ENTPD2: variants seen among roughly 807,000 people sequenced by gnomAD.
ENTPD2 encodes the protein CD39 antigen-like 1.
A neutral mutation model predicts 46.8 loss-of-function variants in ENTPD2; 48 were observed. The ratio of observed to expected loss-of-function variants is 1.03; its 90% CI spans 0.81 to 1.30. ENTPD2 has a LOEUF of 1.30. ENTPD2 is among the 50% of genes most tolerant of loss of function. ENTPD2 has a pLI of 0.00. For missense variants in ENTPD2, 707 were observed against 651.1 expected (o/e 1.09, Z -0.93); for synonymous variants, 316 against 286.1 (o/e 1.10, Z -1.06).
rs775642627 is a variant in ENTPD2 at position 137,051,653 on chromosome 9, G to A, written c.243C>T (p.Gly81=). The A allele has an allele frequency of 2.0e-5, 33 of 1,610,182 alleles. No individual in the cohort carries two copies. The Admixed American group carries it at 5.5e-4, about 27-fold the overall frequency. Residue 81 remains glycine (G), a synonymous_variant, in exon 3 of 9, where the codon GGC becomes GGT. Transcript: ENST00000355097. ...QHSSCDVPGG[G]ISSYADNPSG... ...AAGGGTTGTCTGCATAGCTGGAGATGCCCCCACCTAGAGGGAGGCAGAGAG... is the reference window on the plus strand; with the variant it reads ...AAGGGTTGTCTGCATAGCTGGAGATACCCCCACCTAGAGGGAGGCAGAGAG...
intron 1 of ENTPD2, 37 bp from the exon 2 acceptor site, chr9:137,052,385 C>T (rs369220715): frequency 1.4e-5 from 20 of 1,380,010 alleles, no homozygotes; most frequent in East Asian, 7.4e-5. Context: ...CTGGGGTGTC[C>T]GGGGGCCCTG....
At chr9:137,049,489 C>G (rs1197231030) in intron 7 of ENTPD2, 2 of 445,708 alleles carry the variant, frequency 4.5e-6, no homozygotes, top group African/African-American at 4.1e-5. Flanking sequence ...CCTCGCTCAC[C>G]ACCCCGGTCC....
chr9:137,049,669 G>A (rs1212911290), intron 7 of ENTPD2: 3 of 587,300 alleles, frequency 5.1e-6, no homozygotes, highest in Non-Finnish European at 8.7e-6. Context: ...GGTCGGGCCT[G>A]GCGAAGCTTC....
chr9:137,051,834 C>A (rs1438265473), intron 2 of ENTPD2, among the ~76,000 whole-genome samples, 174 bp from the exon 3 acceptor site: 1 of 152,200 alleles, frequency 6.6e-6, no homozygotes, highest in Non-Finnish European at 1.5e-5. Flanking sequence ...CCAGGTGCCA[C>A]CCGGAGACCA....
chr9:137,051,441 A>C (rs1832294982), intron 3 of ENTPD2, 69 bp downstream of exon 3: 1 of 1,542,768 alleles, frequency 6.5e-7, no homozygotes, highest in African/African-American at 1.4e-5. Flanking sequence ...GGGTGCTCGG[A>C]GTCCGCCCTG....
chr9:137,049,961 T>C lies in ENTPD2; in HGVS notation c.1058A>G (p.Asp353Gly). Residue 353 changes from aspartate to glycine, a missense_variant, in exon 7 of 9, where the codon GAC becomes GGC. Asp to Gly is a moderately conservative substitution (Grantham distance 94). Coordinates refer to ENST00000355097, the MANE Select transcript of ENTPD2 (RefSeq NM_203468.3). The stretch of plus-strand genomic sequence containing the variant: ...CAGCCCCATCGAAGTCCGCAAAAAG[T>C]CCACAGTGTAGAAGAAGGCAGAGAA... ...VAFSAFFYTV[D>G]FLRTSMGLPV... 1 of 1,612,410 alleles carries C rather than the reference T, an allele frequency of 6.2e-7. No homozygotes were observed. The highest frequency in any genetic ancestry group is 1.1e-5 in the South Asian group (1 of 91,044).
rs965890788 is a variant in ENTPD2, at chr9:137,050,960, C to T, written c.716G>A (p.Ser239Asn). The change falls in exon 5 of 9, where the codon AGC becomes AAC. Residue 239 changes from serine to asparagine, a missense_variant. Physicochemically the swap from Ser to Asn is conservative, Grantham distance 46 (BLOSUM62 1). Coordinates refer to ENST00000355097, the MANE Select transcript of ENTPD2 (RefSeq NM_203468.3). ...CTGGTCACGGCCATAGCAGAGGAAG[C>T]TGTGGGTGTAGACTCGGTAGTGCTG... ...YGQHYRVYTH[S>N]FLCYGRDQVL... 3.4e-5 allele frequency: 55 copies of T among 1,612,778 alleles called. No homozygotes were observed. Among genetic ancestry groups the T allele is most frequent in the Non-Finnish European group, 4.7e-5 (55 of 1,179,998 alleles).
chr9:137,050,947 A>T lies in ENTPD2; in HGVS notation c.729T>A (p.Tyr243Ter). Residue 243 changes from tyrosine to a stop codon, truncating the protein, a stop_gained, in exon 5 of 9, where the codon TAT (tyrosine) becomes TAA (stop). Coordinates refer to ENST00000355097, the MANE Select transcript of ENTPD2 (RefSeq NM_203468.3). LOFTEE classifies it high-confidence loss of function. ...GCCTCTGGAGGACCTGGTCACGGCC[A>T]TAGCAGAGGAAGCTGTGGGTGTAGA... ...YRVYTHSFLC[Y>*]GRDQVLQRLL... 1.2e-6 allele frequency: 2 copies of T among 1,612,652 alleles called. No homozygotes were observed. Among genetic ancestry groups the T allele is most frequent in the Non-Finnish European group, 1.7e-6 (2 of 1,179,998 alleles).
Position 137,050,320 on chromosome 9 carries a change from A to G in ENTPD2, c.993T>C (p.Asn331=), listed in dbSNP as rs770596379. ...CAGCCACTGGGGGCTGGAAGACCCC[A>G]TTGAAAGAGCATCGGGAGAAGGGGC... ...SSCPFSRCSF[N]GVFQPPVAGN... The change falls in exon 6 of 9, where the codon AAT becomes AAC. Residue 331 remains asparagine (N), a synonymous_variant. Coordinates refer to ENST00000355097, the MANE Select transcript of ENTPD2 (RefSeq NM_203468.3). 2.5e-6 allele frequency: 4 copies of G among 1,611,412 alleles called. No individual in the cohort carries two copies. Among genetic ancestry groups the G allele is most frequent in the Non-Finnish European group, 3.4e-6 (4 of 1,179,000 alleles).
At chr9:137,052,620 A>AT (rs1287543318) in intron 1 of ENTPD2, 4 of 322,418 alleles carry the variant, frequency 1.2e-5, no homozygotes, top group Admixed American at 1.2e-4. Flanking sequence ...TGGCAAGGGC[A>AT]GACTGAGGGA....
Position 137,048,675 on chromosome 9 carries a change from C to G in ENTPD2, c.1470G>C (p.Lys490Asn), listed in dbSNP as rs1383535083. 1 of 1,598,886 alleles carries G rather than the reference C, an allele frequency of 6.3e-7. No individual in the cohort carries two copies. The highest frequency in any genetic ancestry group is 2.3e-5 in the East Asian group (1 of 44,304). The stretch of plus-strand genomic sequence containing the variant: ...TCGGCCCCTAAATGGTGCTTGGCAG[C>G]TTGGCGGAGTGCACCTGACGCAGCA... ...VLLLRQVHSA[K>N]LPSTI is the part of the protein sequence containing the mutation. The change falls in exon 9 of 9, where the codon AAG (lysine) becomes AAC (asparagine). Residue 490 changes from lysine (K) to asparagine (N), a missense_variant. Transcript: ENST00000355097.
Position 137,051,658 on chromosome 9 carries a change from C to A in ENTPD2, c.238G>T (p.Gly80Trp). The part of the protein sequence containing the change: ...GQHSSCDVPG[G>W]GISSYADNPS... ...TTGTCTGCATAGCTGGAGATGCCCC[C>A]ACCTAGAGGGAGGCAGAGAGATGAG... is the stretch of plus-strand genomic sequence containing the variant. The change falls in exon 3 of 9, where the codon GGG becomes TGG. Residue 80 changes from glycine (G) to tryptophan (W), a missense_variant and splice_region_variant. Gly to Trp is a radical substitution (Grantham distance 184). Transcript: ENST00000355097. 2 of 1,608,728 alleles carry A rather than the reference C, an allele frequency of 1.2e-6. No homozygotes were observed. Among genetic ancestry groups the A allele is most frequent in the Non-Finnish European group, 1.7e-6 (2 of 1,177,994 alleles).
In ENTPD2 at chr9:137,052,444, T is replaced by G. The variant is rs1283821826; in HGVS notation, c.118-96A>C. 3.0e-5 allele frequency: 24 copies of G among 806,356 alleles called. No homozygotes were observed. In the African/African-American group the frequency reaches 5.3e-4, roughly 18 times the overall value. The allele number at this position is 806,356 out of a possible 1,614,324, so 50.0% of individuals were successfully genotyped here. A position where few individuals can be genotyped will look rare whatever the true frequency, so the allele number is the denominator to read the frequency against. On this transcript the variant is annotated intron_variant, in intron 1 of 8. Transcript: ENST00000355097. ...TTGGGTTCCTCCAGTTTGCCACCGC[T>G]CCCCCCCCCACCCAGTCATGTGCCA...
intron 5 of ENTPD2, 108 bp from the exon 6 acceptor site, chr9:137,050,646 G>A: frequency 1.4e-6 from 2 of 1,457,936 alleles, no homozygotes; most frequent in South Asian, 1.4e-5. Context: ...TGTGCTCAGG[G>A]GCAATCCATG....
At position 137,048,831 on chromosome 9, in the gene ENTPD2, G is replaced by C. The variant is rs746397360; in HGVS notation, c.1314C>G (p.Leu438=). ...KAADTAVGWA[L]GYMLNLTNLI... ...GGTTGGTCAGGTTCAGCATGTAGCC[G>C]AGCGCCCAGCCCACTGCAGTGTCCG... Residue 438 remains leucine (L), a synonymous_variant, in exon 9 of 9, where the codon CTC becomes CTG. Coordinates refer to ENST00000355097, the MANE Select transcript of ENTPD2 (RefSeq NM_203468.3). 1.5e-5 allele frequency: 23 copies of C among 1,559,180 alleles called. No individual in the cohort carries two copies. Among genetic ancestry groups the C allele is most frequent in the Non-Finnish European group, 2.0e-5 (23 of 1,152,152 alleles).
In ENTPD2 at chr9:137,051,083, C is replaced by A; in HGVS notation, c.593G>T (p.Gly198Val). ...RWFRPRKGTL[G>V]AMDLGGASTQ... ...AGAGGCACCCCCCAGGTCCATGGCC[C>A]CCAGTGTCCCCTTCCGTGGCCGGAA... Residue 198 changes from glycine (G) to valine (V), a missense_variant, in exon 5 of 9, where the codon GGG (glycine) becomes GTG (valine). Coordinates refer to ENST00000355097, the MANE Select transcript of ENTPD2 (RefSeq NM_203468.3). 1 of 1,612,850 alleles carries A rather than the reference C, an allele frequency of 6.2e-7. No individual in the cohort carries two copies. The highest frequency in any genetic ancestry group is 8.5e-7 in the Non-Finnish European group (1 of 1,180,004).
At chr9:137,053,515 C>T in intron 1 of ENTPD2, 1 of 185,814 alleles carries the variant, frequency 5.4e-6, no homozygotes, top group Admixed American at 6.2e-5. Context: ...GCCCGGAGTG[C>T]CCCTGGGGGC....
Position 137,050,513 on chromosome 9 carries a change from G to T in ENTPD2, c.800C>A (p.Pro267Gln). Residue 267 changes from proline to glutamine, a missense_variant, in exon 6 of 9, where the codon CCG (proline) becomes CAG (glutamine). By Grantham distance (76) the Pro-to-Gln change is moderately conservative. Coordinates refer to ENST00000355097, the MANE Select transcript of ENTPD2 (RefSeq NM_203468.3). ...LQTHGFHPCW[P>Q]RGFSTQVLLG... The stretch of plus-strand genomic sequence containing the variant: ...CAGCACTTGGGTGGAAAAGCCCCTC[G>T]GCCAGCAGGGGTGGAAGCCGTGGGT... The T allele has an allele frequency of 6.2e-7, 1 of 1,612,656 alleles. No homozygotes were observed.
chr9:137,050,374 C>G lies in ENTPD2; in HGVS notation c.939G>C (p.Leu313=). ...AGGAGAAGCTGAAGAGCCCAGAAAC[C>G]AGATCTCGGCAGAGGTGGGGGTCAC... ...GSSDPHLCRD[L]VSGLFSFSSC... The change falls in exon 6 of 9, where the codon CTG becomes CTC. Residue 313 remains leucine, a synonymous_variant. Transcript: ENST00000355097. 1 of 1,613,104 alleles carries G rather than the reference C, an allele frequency of 6.2e-7. No individual in the cohort carries two copies. Among genetic ancestry groups the G allele is most frequent in the Non-Finnish European group, 8.5e-7 (1 of 1,179,994 alleles).
Sources: allele counts gnomAD v4.1 joint callset (sites outside exome capture counted in the v4.1 genomes callset), GRCh38; gene constraint gnomAD v4.1.1; transcripts MANE v1.5; gene names NCBI Gene and HGNC (gene_info 2026-07-23, HGNC 2026-07-21).